UMAD1: variants seen among roughly 807,000 people sequenced by gnomAD.
UMAD1 encodes the protein UBAP1-MVB12-associated (UMA) domain containing 1.
UMAD1 carries 8 observed loss-of-function variants against 6.1 expected under a neutral mutation model. That is an observed-to-expected ratio of 1.30 (90% CI 0.76 to 2.35). The LOEUF (loss-of-function observed/expected upper bound fraction) is 2.35, where lower values mean the gene tolerates loss of function less well. Among genes scored for constraint, UMAD1 ranks in the 30% most tolerant of loss-of-function variants. UMAD1 has a pLI of 0.00. For synonymous variants in UMAD1, 56 were observed against 31.4 expected (o/e 1.78, Z -2.61); for missense variants, 130 against 78.4 (o/e 1.66, Z -2.49).
At chr7:7,707,229 A>T (rs933889351) in intron 2 of UMAD1, among the ~76,000 whole-genome samples, 2 of 152,168 alleles carry the variant, frequency 1.3e-5, no homozygotes, top group African/African-American at 4.8e-5. Flanking sequence ...TATATTCATT[A>T]TGGTTATAAA....
chr7:7,720,880 G>T (rs1232816417), intron 2 of UMAD1, among the ~76,000 whole-genome samples: 1 of 152,108 alleles, frequency 6.6e-6, no homozygotes, highest in Non-Finnish European at 1.5e-5. Flanking sequence ...ACCTATGAAT[G>T]TGACCTTATT....
intron 2 of UMAD1, among the ~76,000 whole-genome samples, chr7:7,694,617 C>G (rs1780263909): frequency 1.3e-5 from 2 of 151,888 alleles, no homozygotes; most frequent in South Asian, 4.1e-4. Context: ...TTAGTTCCCA[C>G]AAATGAGTGA....
At chr7:7,671,347 G>A (rs1563105914) in intron 1 of UMAD1, among the ~76,000 whole-genome samples, 1 of 151,980 alleles carries the variant, frequency 6.6e-6, no homozygotes, top group African/African-American at 2.4e-5. Context: ...GGCTTCAGTT[G>A]GAGACCCACA....
intron 2 of UMAD1, among the ~76,000 whole-genome samples, chr7:7,774,832 G>A (rs1169177963): frequency 6.6e-6 from 1 of 152,126 alleles, no homozygotes; most frequent in Non-Finnish European, 1.5e-5. Flanking sequence ...GGAAGGTTGA[G>A]CAAAGCCCTT....
chr7:7,707,578 G>A (rs1354507577), intron 2 of UMAD1, among the ~76,000 whole-genome samples: 1 of 152,100 alleles, frequency 6.6e-6, no homozygotes, highest in Non-Finnish European at 1.5e-5. Context: ...TACTTATTAA[G>A]TAGAATGCAT....
At chr7:7,850,787 C>T (rs552095362) in intron 3 of UMAD1, among the ~76,000 whole-genome samples, 6 of 151,918 alleles carry the variant, frequency 3.9e-5, no homozygotes, top group Middle Eastern at 3.4e-3. Flanking sequence ...ATAATGCTAA[C>T]GATAAAATGA....
intron 2 of UMAD1, among the ~76,000 whole-genome samples, chr7:7,756,938 T>C (rs1304610125): frequency 6.6e-6 from 1 of 152,226 alleles, no homozygotes; most frequent in Non-Finnish European, 1.5e-5. Flanking sequence ...CAGTGTGTGG[T>C]ACCTGCTTGC....
intron 3 of UMAD1, chr7:7,868,194 T>TA (rs1458627208): frequency 2.0e-5 from 3 of 152,166 alleles, no homozygotes; most frequent in African/African-American, 7.2e-5. Flanking sequence ...AAACAATTTT[T>TA]AAAAAATCAC....
intron 2 of UMAD1, among the ~76,000 whole-genome samples, chr7:7,727,339 T>C (rs1220433666): frequency 1.3e-5 from 2 of 152,238 alleles, no homozygotes; most frequent in African/African-American, 4.8e-5. Context: ...GTTAACTTTA[T>C]GTAATAGCAT....
chr7:7,652,543 A>G (rs150484868), intron 1 of UMAD1, among the ~76,000 whole-genome samples: 1 of 152,368 alleles, frequency 6.6e-6, no homozygotes, highest in Non-Finnish European at 1.5e-5. Flanking sequence ...TGCTGGTTTT[A>G]TACAGGACTT....
intron 2 of UMAD1, among the ~76,000 whole-genome samples, chr7:7,790,051 G>A (rs918141472): frequency 2.0e-5 from 3 of 152,182 alleles, no homozygotes; most frequent in African/African-American, 7.2e-5. Flanking sequence ...GGAAGGAGGC[G>A]ATAGTGACTG....
intron 2 of UMAD1, among the ~76,000 whole-genome samples, chr7:7,703,747 C>T (rs1171403601): frequency 2.0e-5 from 3 of 152,138 alleles, no homozygotes; most frequent in East Asian, 1.9e-4. Flanking sequence ...TGAGATCAGC[C>T]TGGGCAACGT....
At chr7:7,771,903 T>G (rs1782111184) in intron 2 of UMAD1, among the ~76,000 whole-genome samples, 1 of 152,144 alleles carries the variant, frequency 6.6e-6, no homozygotes, top group Non-Finnish European at 1.5e-5. Context: ...TAACAACTAT[T>G]TTTGTATATG....
chr7:7,818,117 T>C (rs1783168366), intron 3 of UMAD1, among the ~76,000 whole-genome samples: 1 of 152,194 alleles, frequency 6.6e-6, no homozygotes. Context: ...CTTAGTTATT[T>C]TTTCTGCTTC....
intron 2 of UMAD1, among the ~76,000 whole-genome samples, chr7:7,730,889 G>A (rs1296929955): frequency 1.3e-5 from 2 of 152,172 alleles, no homozygotes; most frequent in Non-Finnish European, 2.9e-5. Flanking sequence ...AAGCAGTGGC[G>A]GGAATGGTGG....
At chr7:7,845,691 C>T (rs1783770303) in intron 3 of UMAD1, among the ~76,000 whole-genome samples, 1 of 152,016 alleles carries the variant, frequency 6.6e-6, no homozygotes, top group Admixed American at 6.6e-5. Flanking sequence ...CTTAAAATGG[C>T]GATGGTTTTC....
chr7:7,740,227 A>G (rs1010776450), intron 2 of UMAD1, among the ~76,000 whole-genome samples: 1 of 152,228 alleles, frequency 6.6e-6, no homozygotes, highest in African/African-American at 2.4e-5. Flanking sequence ...ACAAAGTTTA[A>G]TAAGAGTAAA....
At chr7:7,708,003 C>G (rs775721627) in intron 2 of UMAD1, among the ~76,000 whole-genome samples, 3 of 152,140 alleles carry the variant, frequency 2.0e-5, no homozygotes, top group Non-Finnish European at 4.4e-5. Context: ...TAATGCGGCT[C>G]CTCCTGAATC....
intron 2 of UMAD1, among the ~76,000 whole-genome samples, chr7:7,778,275 T>TGTGAGAGA (rs1271237125): frequency 9.8e-4 from 108 of 110,626 alleles, no homozygotes; most frequent in African/African-American, 2.1e-3. Context: ...TGTGTGTGTG[T>TGTGAGAGA]GAGAGAGAGA....
Sources: allele counts gnomAD v4.1 joint callset (sites outside exome capture counted in the v4.1 genomes callset), GRCh38; gene constraint gnomAD v4.1.1; transcripts MANE v1.5; gene names NCBI Gene and HGNC (gene_info 2026-07-23, HGNC 2026-07-21).